Variants in ARID5B observed in about 807,000 individuals in gnomAD.
The protein encoded by ARID5B is AT-rich interactive domain-containing protein 5B.
A neutral mutation model predicts 97.2 loss-of-function variants in ARID5B; 13 were observed. The ratio of observed to expected loss-of-function variants is 0.13; its 90% confidence interval spans 0.09 to 0.21. The LOEUF is 0.21. Ranked by LOEUF, ARID5B falls within the 10% of genes least tolerant of loss-of-function variation. The pLI is 1.00. For missense variants in ARID5B, 1,210 were observed against 1,465.3 expected (o/e 0.83, Z 2.84); for synonymous variants, 556 against 570.3 (o/e 0.97, Z 0.36).
At chr10:62,068,430 T>C (rs1840020837) in intron 7 of ARID5B, among the ~76,000 whole-genome samples, 1 of 152,202 alleles carries the variant, frequency 6.6e-6, no homozygotes, top group Non-Finnish European at 1.5e-5. Flanking sequence ...TCTTTCTATT[T>C]GAAATAGAAA....
intron 4 of ARID5B, among the ~76,000 whole-genome samples, chr10:62,045,524 C>T (rs1411379863): frequency 6.6e-6 from 1 of 150,808 alleles, no homozygotes; most frequent in African/African-American, 2.4e-5. Flanking sequence ...GATCTTGGCT[C>T]ACCACAACCA....
chr10:61,990,555 A>G (rs578115283), intron 3 of ARID5B, among the ~76,000 whole-genome samples: 9 of 152,280 alleles, frequency 5.9e-5, no homozygotes, highest in East Asian at 1.9e-4. Flanking sequence ...TCTGTAGGCA[A>G]TTACATTTGT....
intron 3 of ARID5B, among the ~76,000 whole-genome samples, chr10:61,941,373 G>A (rs1048532097): frequency 6.7e-6 from 1 of 149,830 alleles, no homozygotes; most frequent in Non-Finnish European, 1.5e-5. Flanking sequence ...GACGAAAATT[G>A]TTGTCCTCTG....
At chr10:61,962,643 G>T (rs1443425523) in intron 3 of ARID5B, among the ~76,000 whole-genome samples, 2 of 152,206 alleles carry the variant, frequency 1.3e-5, no homozygotes, top group Non-Finnish European at 2.9e-5. Context: ...TCTGCCGTTG[G>T]CTAGAAACAC....
At chr10:62,020,883 A>C (rs1839346560) in intron 4 of ARID5B, among the ~76,000 whole-genome samples, 1 of 151,888 alleles carries the variant, frequency 6.6e-6, no homozygotes. Context: ...AAGTGTAAAA[A>C]ATGGAAAAAA....
chr10:62,089,884 C>A (rs1430518830), intron 9 of ARID5B, among the ~76,000 whole-genome samples: 1 of 152,138 alleles, frequency 6.6e-6, no homozygotes, highest in African/African-American at 2.4e-5. Flanking sequence ...CAGCTCAGTA[C>A]AACTGTTTTG....
chr10:62,086,767 G>C (rs1365259631), intron 9 of ARID5B, among the ~76,000 whole-genome samples: 1 of 151,658 alleles, frequency 6.6e-6, no homozygotes. Context: ...GGCTGAGGTG[G>C]GAGGATAACC....
intron 3 of ARID5B, among the ~76,000 whole-genome samples, chr10:61,969,253 G>C (rs1055762843): frequency 1.3e-5 from 2 of 152,130 alleles, no homozygotes; most frequent in Non-Finnish European, 2.9e-5. Context: ...GTCCTAAAAT[G>C]CTTATTTGCT....
chr10:61,979,127 T>C (rs550042653), intron 3 of ARID5B, among the ~76,000 whole-genome samples: 10 of 149,124 alleles, frequency 6.7e-5, no homozygotes, highest in Admixed American at 2.0e-4. Flanking sequence ...CGAGTACACA[T>C]GGCCTGCCAG....
intron 2 of ARID5B, among the ~76,000 whole-genome samples, chr10:61,908,187 T>C (rs1843736485): frequency 6.6e-6 from 1 of 152,232 alleles, no homozygotes; most frequent in South Asian, 2.1e-4. Context: ...ATTAGTATTG[T>C]CTATTTTGAG....
intron 5 of ARID5B, among the ~76,000 whole-genome samples, chr10:62,055,926 A>G (rs1021150946): frequency 6.6e-6 from 1 of 152,182 alleles, no homozygotes; most frequent in Admixed American, 6.5e-5. Context: ...ACAGCATTGT[A>G]GAATATGTGG....
At chr10:61,989,442 G>C (rs1373682893) in intron 3 of ARID5B, among the ~76,000 whole-genome samples, 1 of 152,016 alleles carries the variant, frequency 6.6e-6, no homozygotes, top group Non-Finnish European at 1.5e-5. Flanking sequence ...GTTTTAAGTG[G>C]ACATCTACAT....
chr10:62,064,977 T>A (rs1021302245), intron 7 of ARID5B, among the ~76,000 whole-genome samples: 2 of 152,164 alleles, frequency 1.3e-5, no homozygotes, highest in African/African-American at 4.8e-5. Flanking sequence ...TTTCACCATG[T>A]TGGCCAGGCT....
intron 2 of ARID5B, among the ~76,000 whole-genome samples, chr10:61,923,543 A>G (rs532131069): frequency 2.6e-5 from 4 of 152,184 alleles, no homozygotes; most frequent in Non-Finnish European, 5.9e-5. Context: ...AAAATCACTT[A>G]TGACCATTTT....
chr10:62,008,402 G>C (rs1839174730), intron 4 of ARID5B, among the ~76,000 whole-genome samples: 1 of 152,176 alleles, frequency 6.6e-6, no homozygotes, highest in South Asian at 2.1e-4. Flanking sequence ...CTCAGAAAGA[G>C]CTCTCAGACT....
Position 62,092,838 on chromosome 10 carries a change from G to C in ARID5B, c.3375G>C (p.Val1125=), listed in dbSNP as rs758221813. ...LMQPLAFHSL[V]MQRGIFTSPT... is the part of the protein sequence containing the mutation. The stretch of plus-strand genomic sequence containing the variant: ...AGCCCCTGGCTTTCCACTCGCTTGT[G>C]ATGCAAAGAGGAATTTTTACATCAC... Residue 1125 remains valine, a synonymous_variant, in exon 10 of 10, where the codon GTG becomes GTC. Transcript: ENST00000279873. 6.2e-7 allele frequency: 1 copy of C among 1,614,220 alleles called. No homozygotes were observed. The highest frequency in any genetic ancestry group is 8.5e-7 in the Non-Finnish European group (1 of 1,180,040).
In ARID5B at chr10:62,092,895, G is replaced by C. The variant is rs746936582; in HGVS notation, c.3432G>C (p.Leu1144Phe). 2 of 1,614,150 alleles carry C rather than the reference G, an allele frequency of 1.2e-6. No homozygotes were observed. Among genetic ancestry groups the C allele is most frequent in the Non-Finnish European group, 1.7e-6 (2 of 1,180,024 alleles). ...PTNSQQLYRHLAAATPVGSSY... is the reference protein window; with the variant it reads ...PTNSQQLYRHFAAATPVGSSY... ...ATTCTCAGCAGCTGTACAGACACTT[G>C]GCTGCGGCTACACCTGTAGGAAGTT... The change falls in exon 10 of 10, where the codon TTG (leucine) becomes TTC (phenylalanine). Residue 1144 changes from leucine to phenylalanine, a missense_variant. Physicochemically the swap from Leu to Phe is conservative, Grantham distance 22. Coordinates refer to ENST00000279873, the MANE Select transcript of ARID5B (RefSeq NM_032199.3).
Position 62,092,556 on chromosome 10 carries a change from G to A in ARID5B, c.3093G>A (p.Val1031=), listed in dbSNP as rs1275731912. 4 of 1,614,086 alleles carry A rather than the reference G, an allele frequency of 2.5e-6. No homozygotes were observed. The African/African-American group carries it at 5.3e-5, about 22-fold the overall frequency. The stretch of plus-strand genomic sequence containing the variant: ...TTGCAGGGAAAAAGGCCCGGGCAGT[G>A]TCTCCCTTAGACCCATCCAAGGAGG... ...LVIAGKKARA[V]SPLDPSKEVS... is the part of the protein sequence containing the mutation. The change falls in exon 10 of 10, where the codon GTG becomes GTA. Residue 1031 remains valine, a synonymous_variant. Transcript: ENST00000279873.
chr10:62,046,879 T>C (rs1008006558), intron 4 of ARID5B: 4 of 152,194 alleles, frequency 2.6e-5, no homozygotes, highest in Non-Finnish European at 5.9e-5. Flanking sequence ...GTTTCCTGTC[T>C]GGGGTGGGCT....
Sources: allele counts gnomAD v4.1 joint callset (sites outside exome capture counted in the v4.1 genomes callset), GRCh38; gene constraint gnomAD v4.1.1; transcripts MANE v1.5; gene names NCBI Gene and HGNC (gene_info 2026-07-23, HGNC 2026-07-21).